C7orf57: variants seen among roughly 807,000 people sequenced by gnomAD.
C7orf57 encodes the protein uncharacterized protein C7orf57.
C7orf57 carries 33 observed loss-of-function variants against 39.0 expected under a neutral mutation model. The observed-to-expected ratio is 0.85, with a 90% CI of 0.64 to 1.13. The LOEUF is 1.13. C7orf57 is among the 50% of genes most tolerant of loss of function. C7orf57 has a pLI of 0.00. For synonymous variants in C7orf57, 124 were observed against 137.1 expected (o/e 0.90, Z 0.67); for missense variants, 346 against 362.3 (o/e 0.95, Z 0.37).
At position 48,060,213 on chromosome 7, in the gene C7orf57, C is replaced by G. The variant is rs1345849757; in HGVS notation, c.842-13C>G. The G allele has an allele frequency of 6.6e-7, 1 of 1,512,528 alleles. No individual in the cohort carries two copies. Among genetic ancestry groups the G allele is most frequent in the Non-Finnish European group, 8.9e-7 (1 of 1,121,098 alleles). 93.7% of individuals were successfully genotyped at this position (1,512,528 alleles called of 1,614,324 possible). On this transcript the variant is annotated splice_polypyrimidine_tract_variant and intron_variant, in intron 8 of 8. Coordinates refer to ENST00000348904, the MANE Select transcript of C7orf57 (RefSeq NM_001100159.3). ...TCATCTTTGTCTACTCATTTATTTACTTTGTGTTGCAGGCCCAGAAGAATC... is the reference window on the plus strand; with the variant it reads ...TCATCTTTGTCTACTCATTTATTTAGTTTGTGTTGCAGGCCCAGAAGAATC...
At chr7:48,057,744 C>T (rs1408158014) in intron 8 of C7orf57, among the ~76,000 whole-genome samples, 2 of 152,110 alleles carry the variant, frequency 1.3e-5, no homozygotes, top group East Asian at 1.9e-4. Flanking sequence ...ATCATATTAG[C>T]TGTGGGCTTC....
intron 8 of C7orf57, among the ~76,000 whole-genome samples, chr7:48,057,407 T>A (rs1240009121): frequency 6.6e-6 from 1 of 152,174 alleles, no homozygotes; most frequent in Non-Finnish European, 1.5e-5. Flanking sequence ...TTTCCTTACT[T>A]TCTTTTTCAG....
intron 8 of C7orf57, among the ~76,000 whole-genome samples, chr7:48,056,596 G>A (rs955013943): frequency 3.3e-5 from 5 of 152,024 alleles, no homozygotes; most frequent in African/African-American, 4.8e-5. Context: ...GAAATCAAAG[G>A]AAATGCTCAT....
At chr7:48,044,045 G>A (rs1790636384) in intron 4 of C7orf57, among the ~76,000 whole-genome samples, 1 of 152,160 alleles carries the variant, frequency 6.6e-6, no homozygotes, top group African/African-American at 2.4e-5. Flanking sequence ...GGTCACGGAA[G>A]AGAACCGTGG....
Position 48,060,951 on chromosome 7 carries a change from A to G in C7orf57, c.*679A>G, listed in dbSNP as rs1791272485. On this transcript the variant is annotated 3_prime_UTR_variant, in exon 9 of 9. Coordinates refer to ENST00000348904, the MANE Select transcript of C7orf57 (RefSeq NM_001100159.3). ...AAAAACTTTTTAATAGTCAAACTGA[A>G]TTACCTTGTTTTATAAATGTTAAAT... is the stretch of plus-strand genomic sequence containing the variant. The G allele has an allele frequency of 6.6e-6, 1 of 152,132 alleles. No homozygotes were observed. Among genetic ancestry groups the G allele is most frequent in the Admixed American group, 6.5e-5 (1 of 15,276 alleles). The allele number at this position is 152,132 out of a possible 1,614,324, so 9.4% of individuals were successfully genotyped here.
At chr7:48,045,814 C>T (rs564984343) in intron 4 of C7orf57, among the ~76,000 whole-genome samples, 1 of 152,102 alleles carries the variant, frequency 6.6e-6, no homozygotes, top group Non-Finnish European at 1.5e-5. Flanking sequence ...CCTTTGGATG[C>T]CCCTCCTGTG....
chr7:48,043,408 T>C, intron 3 of C7orf57, 73 bp from the exon 4 acceptor site: 3 of 1,134,352 alleles, frequency 2.6e-6, no homozygotes, highest in Non-Finnish European at 3.9e-6. Context: ...AAATTGAGCC[T>C]ATCACTGGCA....
At chr7:48,043,321 A>G (rs1017021682) in intron 3 of C7orf57, among the ~76,000 whole-genome samples, 160 bp from the exon 4 acceptor site, 13 of 152,204 alleles carry the variant, frequency 8.5e-5, no homozygotes, top group Non-Finnish European at 1.3e-4. Flanking sequence ...CTGTGCACAG[A>G]CAGGTGAGGA....
At chr7:48,055,603 T>C (rs1476072238) in intron 8 of C7orf57, among the ~76,000 whole-genome samples, 1 of 152,230 alleles carries the variant, frequency 6.6e-6, no homozygotes, top group Non-Finnish European at 1.5e-5. Context: ...TTTGACCAAC[T>C]TCTCCTCTTA....
intron 2 of C7orf57, among the ~76,000 whole-genome samples, chr7:48,038,389 TAGATAG>T (rs1583798605): frequency 6.6e-6 from 1 of 151,584 alleles, no homozygotes; most frequent in Non-Finnish European, 1.5e-5. Context: ...TACATATAGA[TAGATAG>T]ATAGATAGAT....
chr7:48,036,086 G>A (rs1048139065), intron 1 of C7orf57, 122 bp from the exon 2 acceptor site: 3 of 609,194 alleles, frequency 4.9e-6, no homozygotes, highest in Non-Finnish European at 8.8e-6. Flanking sequence ...GCGTGGACAT[G>A]CCCCCTGCTG....
chr7:48,044,363 A>G (rs2128792758), intron 4 of C7orf57, among the ~76,000 whole-genome samples: 1 of 152,252 alleles, frequency 6.6e-6, no homozygotes, highest in East Asian at 1.9e-4. Flanking sequence ...GGGGACCCAA[A>G]GGGGTTTGCC....
rs1790333863 is a variant in C7orf57 at position 48,035,749 on chromosome 7, T to G, written c.-102+119T>G. 1 of 583,312 alleles carries G rather than the reference T, an allele frequency of 1.7e-6. No individual in the cohort carries two copies. The highest frequency in any genetic ancestry group is 2.0e-5 in the South Asian group (1 of 49,938). 36.1% of individuals were successfully genotyped at this position (583,312 alleles called of 1,614,324 possible). A position where few individuals can be genotyped will look rare whatever the true frequency, so the allele number is the denominator to read the frequency against. Reference sequence around the variant, plus strand: ...CGGGGCTGGAGGGAGGGGACCACCTTGTCGCCGGGTTGGGATGAGCACAGG... The same window carrying G: ...CGGGGCTGGAGGGAGGGGACCACCTGGTCGCCGGGTTGGGATGAGCACAGG... On this transcript the variant is annotated intron_variant, in intron 1 of 8. Transcript: ENST00000348904. The surrounding 1 kb of genome is among the most constrained non-coding windows in gnomAD (Gnocchi z 4.0).
Position 48,049,928 on chromosome 7 carries a change from C to T in C7orf57, c.556C>T (p.Pro186Ser). 1 of 1,613,780 alleles carries T rather than the reference C, an allele frequency of 6.2e-7. No homozygotes were observed. The highest frequency in any genetic ancestry group is 8.5e-7 in the Non-Finnish European group (1 of 1,179,752). ...DSKYLSKAGT[P>S]LGPKNPAGSR... ...AAAGTATCTGAGCAAAGCAGGCACC[C>T]CACTTGGCCCTAAGAATCCTGCAGG... The change falls in exon 6 of 9, where the codon CCA becomes TCA. Residue 186 changes from proline (P) to serine (S), a missense_variant. Pro to Ser is a moderately conservative substitution (Grantham distance 74). Coordinates refer to ENST00000348904, the MANE Select transcript of C7orf57 (RefSeq NM_001100159.3).
Position 48,049,973 on chromosome 7 carries a change from C to T in C7orf57, c.601C>T (p.Pro201Ser), listed in dbSNP as rs765835328. ...TGCAGGAAGTAGACTCTCCTTCCCC[C>T]CCGTGTAAGTGCTTGAGCTACGCCC... is the stretch of plus-strand genomic sequence containing the variant. ...NPAGSRLSFP[P>S]VPGQKNSSPT... Residue 201 changes from proline to serine, a missense_variant, in exon 6 of 9, where the codon CCC becomes TCC. Physicochemically the swap from Pro to Ser is moderately conservative, Grantham distance 74. Coordinates refer to ENST00000348904, the MANE Select transcript of C7orf57 (RefSeq NM_001100159.3). 1.1e-5 allele frequency: 18 copies of T among 1,605,054 alleles called. No homozygotes were observed. The African/African-American group carries it at 2.3e-4, about 20-fold the overall frequency.
intron 4 of C7orf57, among the ~76,000 whole-genome samples, chr7:48,044,146 G>A (rs1353713254): frequency 6.6e-6 from 1 of 152,176 alleles, no homozygotes; most frequent in Non-Finnish European, 1.5e-5. Context: ...GATGGGGAGC[G>A]TCAGTGGGTG....
intron 8 of C7orf57, among the ~76,000 whole-genome samples, chr7:48,057,766 C>G (rs1028743650): frequency 2.0e-5 from 3 of 152,010 alleles, no homozygotes; most frequent in African/African-American, 7.2e-5. Context: ...CATGTATGGT[C>G]TTTATTGTGT....
In C7orf57 at chr7:48,054,592, CAG is replaced by C. The variant is rs1157405990; in HGVS notation, c.830_831del. On this transcript the variant is annotated splice_acceptor_variant, in intron 7 of 8. Coordinates refer to ENST00000348904, the MANE Select transcript of C7orf57 (RefSeq NM_001100159.3). LOFTEE classifies it high-confidence loss of function. ...TGAACAACGAATGTACTTTTTATTA[CAG>C]AGTCTTCTCAAAGTGAGTACTTATA... 6.5e-6 allele frequency: 10 copies of C among 1,548,298 alleles called. No homozygotes were observed. Among genetic ancestry groups the C allele is most frequent in the Admixed American group, 3.9e-5 (2 of 50,832 alleles).
chr7:48,043,229 T>G (rs2128792080), intron 3 of C7orf57, among the ~76,000 whole-genome samples: 1 of 152,222 alleles, frequency 6.6e-6, no homozygotes, highest in South Asian at 2.1e-4. Flanking sequence ...AGGAGCTCTG[T>G]CCAGATCTGC....
Sources: allele counts gnomAD v4.1 joint callset (sites outside exome capture counted in the v4.1 genomes callset), GRCh38; gene constraint gnomAD v4.1.1; non-coding constraint Gnocchi (gnomAD v3.1); transcripts MANE v1.5; gene names NCBI Gene and HGNC (gene_info 2026-07-23, HGNC 2026-07-21).